IRX1: variants seen among roughly 807,000 people sequenced by gnomAD.
The protein encoded by IRX1 is iroquois homeobox 1, also known as iroquois-class homeodomain protein IRX-1.
A neutral mutation model predicts 34.1 loss-of-function variants in IRX1; 22 were observed. The ratio of observed to expected loss-of-function variants is 0.64; its 90% CI spans 0.46 to 0.92. IRX1 has a LOEUF of 0.92. IRX1 is among the 40% of genes least tolerant of loss of function. The pLI, the probability that IRX1 is intolerant of heterozygous loss-of-function variation, is 0.00. For synonymous variants in IRX1, 363 were observed against 319.0 expected (o/e 1.14, Z -1.47); for missense variants, 758 against 680.0 (o/e 1.11, Z -1.28).
chr5:3,601,142 A>G lies in IRX1; in HGVS notation c.*102A>G. 1 of 1,067,970 alleles carries G rather than the reference A, an allele frequency of 9.4e-7. No individual in the cohort carries two copies. The highest frequency in any genetic ancestry group is 1.4e-6 in the Non-Finnish European group (1 of 705,702). 66.2% of individuals were successfully genotyped at this position (1,067,970 alleles called of 1,614,324 possible). A position where few individuals can be genotyped will look rare whatever the true frequency, so the allele number is the denominator to read the frequency against. On this transcript the variant is annotated 3_prime_UTR_variant, in exon 4 of 4. Transcript: ENST00000302006. Reference sequence around the variant, plus strand: ...CAAATATTTCAGACTGGTGTAAAGGACAAATATGACAACGACGTCAAGGAC... The same window carrying G: ...CAAATATTTCAGACTGGTGTAAAGGGCAAATATGACAACGACGTCAAGGAC...
chr5:3,599,166 C>T lies in IRX1; in HGVS notation c.277-59C>T. On this transcript the variant is annotated intron_variant, in intron 1 of 3. Coordinates refer to ENST00000302006, the MANE Select transcript of IRX1 (RefSeq NM_024337.4). This position sits in a 1 kb window ranked among gnomAD's most constrained non-coding sequence, Gnocchi z 6.6. ...GGGACTCATGTCTCTCTCTCTCTCT[C>T]CCTTTCTCTCTCCACTTCCCTCCTC... The T allele has an allele frequency of 6.6e-7, 1 of 1,516,782 alleles. No individual in the cohort carries two copies. The allele number at this position is 1,516,782 out of a possible 1,614,324, so 94.0% of individuals were successfully genotyped here.
At position 3,599,959 on chromosome 5, in the gene IRX1, C is replaced by A. The variant is rs1269785410; in HGVS notation, c.1011C>A (p.Pro337=). The A allele has an allele frequency of 1.3e-6, 2 of 1,504,164 alleles. No homozygotes were observed. Among genetic ancestry groups the A allele is most frequent in the Non-Finnish European group, 1.8e-6 (2 of 1,123,106 alleles). The allele number at this position is 1,504,164 out of a possible 1,614,324, so 93.2% of individuals were successfully genotyped here. ...DGAPKASPPP[P]AGHPGAHGPS... ...CGCCCAAGGCTTCGCCACCACCACC[C>A]GCGGGCCACCCCGGCGCGCACGGGC... Residue 337 remains proline, a synonymous_variant, in exon 2 of 4, where the codon CCC becomes CCA. Coordinates refer to ENST00000302006, the MANE Select transcript of IRX1 (RefSeq NM_024337.4). This position sits in a 1 kb window ranked among gnomAD's most constrained non-coding sequence, Gnocchi z 6.6.
chr5:3,600,487 G>A, intron 2 of IRX1, 122 bp from the exon 3 acceptor site: 1 of 972,716 alleles, frequency 1.0e-6, no homozygotes, highest in Non-Finnish European at 1.5e-6. Flanking sequence ...TGGTGGTGGG[G>A]TGAGGGGTGA....
rs1020002364 is a variant in IRX1, at chr5:3,596,197, C to T, written c.92C>T (p.Ala31Val). The stretch of plus-strand genomic sequence containing the variant: ...GAGCGCCCGGGGGTGCTGGCCGCGG[C>T]CGCTGCGGCGGCTGCCGCCGCCTCG... ...GGERPGVLAA[A>V]AAAAAAASSG... Residue 31 changes from alanine (A) to valine (V), a missense_variant, in exon 1 of 4, where the codon GCC (alanine) becomes GTC (valine). Physicochemically the swap from Ala to Val is moderately conservative, Grantham distance 64. This residue lies in a region of IRX1 where 195 missense variants were observed against 195.0 expected (regional missense o/e 1.00). Coordinates refer to ENST00000302006, the MANE Select transcript of IRX1 (RefSeq NM_024337.4). 191 of 1,037,504 alleles carry T rather than the reference C, an allele frequency of 1.8e-4. 1 individual carries two copies. The Middle Eastern group carries it at 4.1e-3, about 22-fold the overall frequency. The allele number at this position is 1,037,504 out of a possible 1,614,324, so 64.3% of individuals were successfully genotyped here. A position where few individuals can be genotyped will look rare whatever the true frequency, so the allele number is the denominator to read the frequency against.
In IRX1 at chr5:3,596,290, G is replaced by C; in HGVS notation, c.185G>C (p.Gly62Ala). ...GCGGCTGCAGTCACCTCGGTGCTGG[G>C]CATGTACGCGGCGGCGGGGCCGTAC... ...AGAAAVTSVL[G>A]MYAAAGPYAG... The change falls in exon 1 of 4, where the codon GGC (glycine) becomes GCC (alanine). Residue 62 changes from glycine (G) to alanine (A), a missense_variant. Physicochemically the swap from Gly to Ala is moderately conservative, Grantham distance 60. Transcript: ENST00000302006. 2 of 1,429,348 alleles carry C rather than the reference G, an allele frequency of 1.4e-6. No individual in the cohort carries two copies. The highest frequency in any genetic ancestry group is 2.8e-5 in the East Asian group (1 of 35,122). The allele number at this position is 1,429,348 out of a possible 1,614,324, so 88.5% of individuals were successfully genotyped here. A position where few individuals can be genotyped will look rare whatever the true frequency, so the allele number is the denominator to read the frequency against.
chr5:3,596,026 C>A lies in IRX1; in HGVS notation c.-80C>A, dbSNP rs1039722682. On this transcript the variant is annotated 5_prime_UTR_variant, in exon 1 of 4. Coordinates refer to ENST00000302006, the MANE Select transcript of IRX1 (RefSeq NM_024337.4). ...CCTAGACCCCTCGCGGCGCCCCCTG[C>A]AACCCCCTCCGGCCGGCCTCCGCCT... 1.7e-5 allele frequency: 16 copies of A among 940,448 alleles called. No individual in the cohort carries two copies. The Admixed American group carries it at 7.5e-4, about 44-fold the overall frequency. 58.3% of individuals were successfully genotyped at this position (940,448 alleles called of 1,614,324 possible).
Position 3,599,647 on chromosome 5 carries a change from C to T in IRX1, c.699C>T (p.Ile233=). ...IDLESIDIDK[I]DEHDGDQSNE... ...TGGAAAGCATCGACATTGACAAGAT[C>T]GACGAGCACGATGGCGACCAGAGCA... The change falls in exon 2 of 4, where the codon ATC becomes ATT. Residue 233 remains isoleucine (I), a synonymous_variant. Coordinates refer to ENST00000302006, the MANE Select transcript of IRX1 (RefSeq NM_024337.4). The surrounding 1 kb of genome is among the most constrained non-coding windows in gnomAD (Gnocchi z 6.6). The T allele has an allele frequency of 6.2e-7, 1 of 1,613,838 alleles. No homozygotes were observed. Among genetic ancestry groups the T allele is most frequent in the Non-Finnish European group, 8.5e-7 (1 of 1,180,026 alleles).
intron 3 of IRX1, 139 bp from the exon 4 acceptor site, chr5:3,600,844 G>A (rs1311127468): frequency 3.2e-5 from 37 of 1,159,124 alleles, no homozygotes; most frequent in Non-Finnish European, 4.8e-5. Flanking sequence ...CGAGGAGACT[G>A]GAGTTTCTCC....
chr5:3,601,218 G>A lies in IRX1; in HGVS notation c.*178G>A, dbSNP rs1186618243. ...GGGGCTTCTTCGGTCCCGAGCTCGC[G>A]TCCAGGTGGCCAGGCCTCTGCCGGC... On this transcript the variant is annotated 3_prime_UTR_variant, in exon 4 of 4. Coordinates refer to ENST00000302006, the MANE Select transcript of IRX1 (RefSeq NM_024337.4). 6.1e-6 allele frequency: 4 copies of A among 651,194 alleles called. No homozygotes were observed. The highest frequency in any genetic ancestry group is 1.1e-5 in the Non-Finnish European group (4 of 372,436). The allele number at this position is 651,194 out of a possible 1,614,324, so 40.3% of individuals were successfully genotyped here. A position where few individuals can be genotyped will look rare whatever the true frequency, so the allele number is the denominator to read the frequency against.
rs758614856 is a variant in IRX1 at position 3,599,635 on chromosome 5, C to T, written c.687C>T (p.Asp229=). The T allele has an allele frequency of 1.1e-5, 18 of 1,614,002 alleles. No individual in the cohort carries two copies. In the South Asian group the frequency reaches 1.6e-4, roughly 15 times the overall value. The change falls in exon 2 of 4, where the codon GAC becomes GAT. Residue 229 remains aspartate, a synonymous_variant. Transcript: ENST00000302006. This position sits in a 1 kb window ranked among gnomAD's most constrained non-coding sequence, Gnocchi z 6.6. ...AGGAGATCGACCTGGAAAGCATCGA[C>T]ATTGACAAGATCGACGAGCACGATG... ...DDEEIDLESI[D]IDKIDEHDGD...
Position 3,601,126 on chromosome 5 carries a change from C to G in IRX1, c.*86C>G, listed in dbSNP as rs1292249112. On this transcript the variant is annotated 3_prime_UTR_variant, in exon 4 of 4. Transcript: ENST00000302006. ...GTGGGAGGAATTAAGACAAATATTTCAGACTGGTGTAAAGGACAAATATGA... is the reference window on the plus strand; with the variant it reads ...GTGGGAGGAATTAAGACAAATATTTGAGACTGGTGTAAAGGACAAATATGA... The G allele has an allele frequency of 8.1e-7, 1 of 1,228,264 alleles. No individual in the cohort carries two copies. The highest frequency in any genetic ancestry group is 1.2e-6 in the Non-Finnish European group (1 of 841,868). 76.1% of individuals were successfully genotyped at this position (1,228,264 alleles called of 1,614,324 possible).
At position 3,599,164 on chromosome 5, in the gene IRX1, CTCCCTT is replaced by C. The variant is rs1733873099; in HGVS notation, c.277-58_277-53del. The C allele has an allele frequency of 6.6e-7, 1 of 1,506,636 alleles. No homozygotes were observed. The highest frequency in any genetic ancestry group is 1.4e-5 in the African/African-American group (1 of 72,492). 93.3% of individuals were successfully genotyped at this position (1,506,636 alleles called of 1,614,324 possible). A position where few individuals can be genotyped will look rare whatever the true frequency, so the allele number is the denominator to read the frequency against. On this transcript the variant is annotated intron_variant, in intron 1 of 3. Coordinates refer to ENST00000302006, the MANE Select transcript of IRX1 (RefSeq NM_024337.4). This position sits in a 1 kb window ranked among gnomAD's most constrained non-coding sequence, Gnocchi z 6.6. ...TGGGGACTCATGTCTCTCTCTCTCT[CTCCCTT>C]TCTCTCTCCACTTCCCTCCTCTCTC...
intron 1 of IRX1, among the ~76,000 whole-genome samples, chr5:3,598,516 TA>T (rs58897888): frequency 0.41 from 61,495 of 150,098 alleles, 12,841 homozygotes; most frequent in African/African-American, 0.44. Context: ...CCTTTTGTAT[TA>T]AAAAAAAAAA....
At chr5:3,596,804 C>A (rs935633347) in intron 1 of IRX1, among the ~76,000 whole-genome samples, 1 of 152,142 alleles carries the variant, frequency 6.6e-6, no homozygotes, top group Non-Finnish European at 1.5e-5. Context: ...GTTCCACTCG[C>A]GCGGCCTCTT....
In IRX1 at chr5:3,596,370, T is replaced by A; in HGVS notation, c.265T>A (p.Phe89Ile). 6.5e-7 allele frequency: 1 copy of A among 1,536,334 alleles called. No individual in the cohort carries two copies. Among genetic ancestry groups the A allele is most frequent in the Non-Finnish European group, 8.7e-7 (1 of 1,145,794 alleles). ...GCCCTACGCCGCGGATCTCAGCCTC[T>A]TCTCGCAGATGGTGAGTGCGCCCGG... ...FLPYAADLSL[F>I]SQMGSQYELK... The change falls in exon 1 of 4, where the codon TTC becomes ATC. Residue 89 changes from phenylalanine to isoleucine, a missense_variant. Transcript: ENST00000302006.
Position 3,599,949 on chromosome 5 carries a change from C to G in IRX1, c.1001C>G (p.Pro334Arg). 2.0e-6 allele frequency: 3 copies of G among 1,503,494 alleles called. No individual in the cohort carries two copies. The highest frequency in any genetic ancestry group is 8.9e-7 in the Non-Finnish European group (1 of 1,123,174). The allele number at this position is 1,503,494 out of a possible 1,614,324, so 93.1% of individuals were successfully genotyped here. ...CCCGACGGTGCGCCCAAGGCTTCGC[C>G]ACCACCACCCGCGGGCCACCCCGGC... Reference protein sequence around the residue: ...TSPDGAPKASPPPPAGHPGAH... With the variant: ...TSPDGAPKASRPPPAGHPGAH... Residue 334 changes from proline to arginine, a missense_variant, in exon 2 of 4, where the codon CCA (proline) becomes CGA (arginine). Pro to Arg is a moderately radical substitution (Grantham distance 103). Around this residue, in one of 3 missense-constraint regions of IRX1, gnomAD observed 529 missense variants for 418.8 expected, o/e 1.26. Coordinates refer to ENST00000302006, the MANE Select transcript of IRX1 (RefSeq NM_024337.4). This position sits in a 1 kb window ranked among gnomAD's most constrained non-coding sequence, Gnocchi z 6.6.
In IRX1 at chr5:3,596,049, C is replaced by T; in HGVS notation, c.-57C>T. 9.8e-7 allele frequency: 1 copy of T among 1,022,558 alleles called. No homozygotes were observed. The highest frequency in any genetic ancestry group is 4.5e-5 in the South Asian group (1 of 22,430). The allele number at this position is 1,022,558 out of a possible 1,614,324, so 63.3% of individuals were successfully genotyped here. On this transcript the variant is annotated 5_prime_UTR_variant, in exon 1 of 4. Coordinates refer to ENST00000302006, the MANE Select transcript of IRX1 (RefSeq NM_024337.4). ...TGCAACCCCCTCCGGCCGGCCTCCGCCTCCCTCCCCGCGCCTTTAATACTC... is the reference window on the plus strand; with the variant it reads ...TGCAACCCCCTCCGGCCGGCCTCCGTCTCCCTCCCCGCGCCTTTAATACTC...
chr5:3,596,063 C>T lies in IRX1; in HGVS notation c.-43C>T. The T allele has an allele frequency of 9.5e-7, 1 of 1,047,178 alleles. No individual in the cohort carries two copies. The highest frequency in any genetic ancestry group is 1.2e-6 in the Non-Finnish European group (1 of 869,128). 64.9% of individuals were successfully genotyped at this position (1,047,178 alleles called of 1,614,324 possible). A position where few individuals can be genotyped will look rare whatever the true frequency, so the allele number is the denominator to read the frequency against. ...GCCGGCCTCCGCCTCCCTCCCCGCGCCTTTAATACTCGCCCGCTGCGGCGG... is the reference window on the plus strand; with the variant it reads ...GCCGGCCTCCGCCTCCCTCCCCGCGTCTTTAATACTCGCCCGCTGCGGCGG... On this transcript the variant is annotated 5_prime_UTR_variant, in exon 1 of 4. Transcript: ENST00000302006.
Position 3,599,857 on chromosome 5 carries a change from G to T in IRX1, c.909G>T (p.Ala303=), listed in dbSNP as rs751609051. The T allele has an allele frequency of 3.5e-5, 53 of 1,526,702 alleles. No individual in the cohort carries two copies. The highest frequency in any genetic ancestry group is 4.3e-5 in the Non-Finnish European group (49 of 1,140,628). 94.6% of individuals were successfully genotyped at this position (1,526,702 alleles called of 1,614,324 possible). Residue 303 remains alanine (A), a synonymous_variant, in exon 2 of 4, where the codon GCG becomes GCT. Transcript: ENST00000302006. This position sits in a 1 kb window ranked among gnomAD's most constrained non-coding sequence, Gnocchi z 6.6. Reference sequence around the variant, plus strand: ...GCCTGCTGAGCCCCGGCGCTGCAGCGGGCGGCCTGCAGGGTGCGCCGCACG... The same window carrying T: ...GCCTGCTGAGCCCCGGCGCTGCAGCTGGCGGCCTGCAGGGTGCGCCGCACG... The part of the protein sequence containing the change: ...STRLLSPGAA[A]GGLQGAPHGK...
Sources: allele counts gnomAD v4.1 joint callset (sites outside exome capture counted in the v4.1 genomes callset), GRCh38; gene constraint gnomAD v4.1.1; regional missense constraint gnomAD v4.1.1; non-coding constraint Gnocchi (gnomAD v3.1); transcripts MANE v1.5; gene names NCBI Gene and HGNC (gene_info 2026-07-23, HGNC 2026-07-21).